Variants in ARFGAP3 observed in about 807,000 individuals in gnomAD.
The protein encoded by ARFGAP3 is ADP-ribosylation factor GTPase-activating protein 3.
ARFGAP3 carries 72 observed loss-of-function variants against 75.0 expected under a neutral mutation model. The ratio of observed to expected loss-of-function variants is 0.96; its 90% CI spans 0.79 to 1.17. The LOEUF (loss-of-function observed/expected upper bound fraction) is 1.17. Among genes scored for constraint, ARFGAP3 ranks in the 50% most tolerant of loss-of-function variants. The pLI, the probability that ARFGAP3 is intolerant of heterozygous loss-of-function variation, is 0.00. For synonymous variants in ARFGAP3, 221 were observed against 217.9 expected (o/e 1.01, Z -0.13); for missense variants, 620 against 626.6 (o/e 0.99, Z 0.11).
intron 1 of ARFGAP3, among the ~76,000 whole-genome samples, chr22:42,849,725 T>A (rs1927188522): frequency 6.8e-6 from 1 of 147,366 alleles, no homozygotes; most frequent in African/African-American, 2.5e-5. Context: ...CGTGCCCAGA[T>A]TTTTTTTTTT....
chr22:42,823,675 G>A lies in ARFGAP3; in HGVS notation c.653C>T (p.Pro218Leu), dbSNP rs1925909910. Residue 218 changes from proline to leucine, a missense_variant, in exon 8 of 16, where the codon CCA becomes CTA. By Grantham distance (98) the Pro-to-Leu change is moderately conservative. Coordinates refer to ENST00000263245, the MANE Select transcript of ARFGAP3 (RefSeq NM_014570.5). ...LEVSSIIKKKPNQAKKGLGAK... is the reference protein window; with the variant it reads ...LEVSSIIKKKLNQAKKGLGAK... The stretch of plus-strand genomic sequence containing the variant: ...ACTCACGCCTTTTTTAGCTTGATTT[G>A]GTTTCTTTTTTATGATAGAGGATAC... 1.3e-6 allele frequency: 2 copies of A among 1,568,944 alleles called. No homozygotes were observed. Among genetic ancestry groups the A allele is most frequent in the South Asian group, 1.2e-5 (1 of 84,570 alleles).
intron 9 of ARFGAP3, among the ~76,000 whole-genome samples, chr22:42,820,478 G>C (rs1232884296): frequency 6.6e-6 from 1 of 152,202 alleles, no homozygotes; most frequent in Non-Finnish European, 1.5e-5. Flanking sequence ...CAGTAAGACA[G>C]TACGAAAAGT....
Position 42,810,843 on chromosome 22 carries a change from G to GT in ARFGAP3, c.1165dup (p.Thr389AsnfsTer21). 1 of 1,614,136 alleles carries GT rather than the reference G, an allele frequency of 6.2e-7. No individual in the cohort carries two copies. Among genetic ancestry groups the GT allele is most frequent in the South Asian group, 1.1e-5 (1 of 91,084 alleles). On this transcript the variant is annotated frameshift_variant, in exon 12 of 16. Transcript: ENST00000263245. LOFTEE classifies it high-confidence loss of function. ...TGAATAGCCTGTGGTTTTCAGAACT[G>GT]TTTCAGTATCTTTGCTGGTCTCTTT...
intron 2 of ARFGAP3, among the ~76,000 whole-genome samples, chr22:42,846,935 A>G (rs1009953478): frequency 3.3e-5 from 5 of 152,248 alleles, no homozygotes; most frequent in African/African-American, 1.2e-4. Context: ...GAGAAGACCA[A>G]GGTCAAGGGG....
chr22:42,843,751 T>C (rs1029753591), intron 2 of ARFGAP3, among the ~76,000 whole-genome samples: 19 of 152,100 alleles, frequency 1.2e-4, no homozygotes, highest in Non-Finnish European at 1.3e-4. Flanking sequence ...TCACCTTTAA[T>C]AAGCTCATGA....
At chr22:42,826,506 A>G (rs1393708649) in intron 7 of ARFGAP3, among the ~76,000 whole-genome samples, 1 of 151,994 alleles carries the variant, frequency 6.6e-6, no homozygotes, top group East Asian at 1.9e-4. Flanking sequence ...CAGTCTCCCA[A>G]GTAGCTGGGA....
intron 2 of ARFGAP3, chr22:42,841,240 G>A: frequency 7.3e-6 from 2 of 273,444 alleles, no homozygotes; most frequent in Non-Finnish European, 1.1e-5. Context: ...AGGGCACAGG[G>A]ACATGACAAG....
intron 1 of ARFGAP3, among the ~76,000 whole-genome samples, chr22:42,854,829 TCGTTTAGGTAAGGGTTTCAAAC>T (rs1418960932): frequency 1.3e-5 from 2 of 152,204 alleles, no homozygotes; most frequent in African/African-American, 4.8e-5. Flanking sequence ...ATTGTTATCT[TCGTTTAGGTAAGGGTTTCAAAC>T]CAATGATCAA....
At chr22:42,799,515 C>T (rs1221163549) in intron 14 of ARFGAP3, among the ~76,000 whole-genome samples, 2 of 152,226 alleles carry the variant, frequency 1.3e-5, no homozygotes, top group African/African-American at 4.8e-5. Flanking sequence ...CAGCAAAAGG[C>T]AGATGGGCCA....
intron 10 of ARFGAP3, chr22:42,817,508 G>A (rs562928932): frequency 4.4e-6 from 1 of 227,774 alleles, no homozygotes; most frequent in Admixed American, 6.5e-5. Context: ...TCTCTGGTAG[G>A]TGCTTCATGT....
At chr22:42,808,538 A>C (rs1925226962) in intron 13 of ARFGAP3, among the ~76,000 whole-genome samples, 1 of 152,260 alleles carries the variant, frequency 6.6e-6, no homozygotes, top group Non-Finnish European at 1.5e-5. Context: ...GAGAGGAATA[A>C]GACAACTGTG....
intron 11 of ARFGAP3, among the ~76,000 whole-genome samples, chr22:42,812,650 C>T (rs1244640791): frequency 6.6e-6 from 1 of 152,178 alleles, no homozygotes; most frequent in Admixed American, 6.5e-5. Context: ...TTTACTCTTT[C>T]TTGGCAGAAA....
intron 11 of ARFGAP3, 43 bp from the exon 12 acceptor site, chr22:42,810,987 T>C: frequency 6.2e-7 from 1 of 1,603,906 alleles, no homozygotes; most frequent in Non-Finnish European, 8.5e-7. Flanking sequence ...AGGTCCTTGT[T>C]GACACTCGTC....
chr22:42,806,943 C>G (rs1286276137), intron 14 of ARFGAP3, 130 bp downstream of exon 14: 11 of 936,102 alleles, frequency 1.2e-5, no homozygotes, highest in Non-Finnish European at 1.7e-5. Context: ...CTCTACCTGA[C>G]TTATAGCAGA....
chr22:42,814,567 TGAA>T (rs942875316), intron 11 of ARFGAP3, among the ~76,000 whole-genome samples: 12 of 152,158 alleles, frequency 7.9e-5, no homozygotes, highest in African/African-American at 2.2e-4. Context: ...ATTAAGCCTT[TGAA>T]GAAGGGGAAG....
chr22:42,799,332 G>T (rs1924753032), intron 14 of ARFGAP3, 172 bp from the exon 15 acceptor site: 3 of 750,258 alleles, frequency 4.0e-6, no homozygotes, highest in Non-Finnish European at 4.9e-6. Context: ...GCCCTGCCAT[G>T]ATCCACATGA....
intron 6 of ARFGAP3, among the ~76,000 whole-genome samples, chr22:42,828,735 A>T (rs1311155543): frequency 9.5e-6 from 1 of 105,094 alleles, no homozygotes; most frequent in Non-Finnish European, 1.8e-5. Context: ...GCCCAGGCGG[A>T]GTGTAGTGGT....
chr22:42,799,948 TG>T (rs1320482308), intron 14 of ARFGAP3, among the ~76,000 whole-genome samples: 1 of 152,220 alleles, frequency 6.6e-6, no homozygotes, highest in African/African-American at 2.4e-5. Flanking sequence ...CCCTAAGTTT[TG>T]TTAGTTGTTA....
intron 9 of ARFGAP3, 99 bp downstream of exon 9, chr22:42,822,171 T>TCC: frequency 1.1e-6 from 1 of 901,274 alleles, no homozygotes; most frequent in Non-Finnish European, 1.7e-6. Context: ...TACCCTCCCT[T>TCC]CCCCCCCCAC....
Sources: gnomAD v4.1 joint callset for allele counts (sites outside exome capture counted in the v4.1 genomes callset) on GRCh38, gnomAD v4.1.1 for gene constraint, MANE v1.5 for transcripts, NCBI Gene and HGNC (gene_info 2026-07-23, HGNC 2026-07-21) for gene names.